Variants in CHL1 observed in about 807,000 individuals in gnomAD.
CHL1 encodes the protein neural cell adhesion molecule L1-like protein.
A neutral mutation model predicts 141.9 loss-of-function variants in CHL1; 96 were observed. The ratio of observed to expected loss-of-function variants is 0.68; its 90% CI spans 0.57 to 0.80. The LOEUF (loss-of-function observed/expected upper bound fraction) is 0.80. Among genes scored for constraint, CHL1 ranks in the 30% least tolerant of loss-of-function variants. The probability of loss-of-function intolerance (pLI) is 0.00; values close to 1 mark genes in which losing one functional copy is unlikely to be tolerated. For missense variants in CHL1, 1,820 were observed against 1,457.2 expected, an observed-to-expected ratio of 1.25 and a Z score of -4.05; for synonymous variants, 613 against 502.2, an observed-to-expected ratio of 1.22 and a Z score of -2.95.
At chr3:323,638 A>AT (rs1201883921) in intron 3 of CHL1, among the ~76,000 whole-genome samples, 1 of 152,100 alleles carries the variant, frequency 6.6e-6, no homozygotes, top group Admixed American at 6.6e-5. Context: ...GTACGGCTGG[A>AT]TTTTCTTTAT....
At chr3:387,894 A>G (rs1000514596) in intron 19 of CHL1, among the ~76,000 whole-genome samples, 6 of 152,096 alleles carry the variant, frequency 3.9e-5, no homozygotes, top group African/African-American at 1.4e-4. Flanking sequence ...ATAGGAATAC[A>G]CTTAAAATTA....
intron 2 of CHL1, among the ~76,000 whole-genome samples, chr3:281,057 T>A (rs1392787940): frequency 6.6e-6 from 1 of 152,124 alleles, no homozygotes; most frequent in Non-Finnish European, 1.5e-5. Flanking sequence ...CTAGATACAT[T>A]TTTTGGTAGT....
rs1036102399 is a variant in CHL1, at chr3:363,480, C to G, written c.1585+97C>G. 8.0e-6 allele frequency: 9 copies of G among 1,131,624 alleles called. No individual in the cohort carries two copies. In the Admixed American group the frequency reaches 2.2e-4, roughly 28 times the overall value. 70.1% of individuals were successfully genotyped at this position (1,131,624 alleles called of 1,614,324 possible). A position where few individuals can be genotyped will look rare whatever the true frequency, so the allele number is the denominator to read the frequency against. ...AATAATACCATTTAAGTTGGAGTAC[C>G]AGATAAAGTTCTTTGAACCGTTTTT... On this transcript the variant is annotated intron_variant, in intron 14 of 27. Coordinates refer to ENST00000256509, the MANE Select transcript of CHL1 (RefSeq NM_006614.4).
At chr3:287,291 C>T (rs1461627966) in intron 2 of CHL1, among the ~76,000 whole-genome samples, 1 of 152,094 alleles carries the variant, frequency 6.6e-6, no homozygotes, top group Non-Finnish European at 1.5e-5. Flanking sequence ...CTGTCTTGTT[C>T]ACCACTCCCT....
In CHL1 at chr3:242,693, C is replaced by G. The variant is rs201767535; in HGVS notation, c.-174-1920C>G. 2.2e-3 allele frequency among the ~76,000 whole-genome samples: 316 copies of G among 144,850 alleles called. 1 individual carries two copies. Among genetic ancestry groups the G allele is most frequent in the Middle Eastern group, 7.5e-3 (2 of 266 alleles). On this transcript the variant is annotated intron_variant, in intron 1 of 27. Transcript: ENST00000256509. ...ACACATGCACACAAACACACACACA[C>G]ACACAGAGAGAGAGAGAGATTAGAT...
intron 11 of CHL1, among the ~76,000 whole-genome samples, chr3:355,350 G>A (rs1575147373): frequency 6.6e-6 from 1 of 152,046 alleles, no homozygotes; most frequent in Admixed American, 6.5e-5. Flanking sequence ...CCCCATGCCC[G>A]GTCCACCCTG....
At chr3:396,874 TGAG>T (rs1708718835) in intron 24 of CHL1, among the ~76,000 whole-genome samples, 1 of 152,162 alleles carries the variant, frequency 6.6e-6, no homozygotes, top group Admixed American at 6.5e-5. Context: ...ATATTTCCAA[TGAG>T]GAGAGATACA....
chr3:382,068 C>A, intron 16 of CHL1, 111 bp from the exon 17 acceptor site: 1 of 801,716 alleles, frequency 1.2e-6, no homozygotes, highest in Non-Finnish European at 2.0e-6. Context: ...CTTCCCAGGT[C>A]CCTAAGAGGG....
intron 1 of CHL1, among the ~76,000 whole-genome samples, chr3:236,686 A>G (rs1692016317): frequency 6.6e-6 from 1 of 151,560 alleles, no homozygotes; most frequent in Non-Finnish European, 1.5e-5. Context: ...TTATACTGAC[A>G]TTTTCTGTGG....
chr3:329,475 T>C (rs1701273272), intron 5 of CHL1, among the ~76,000 whole-genome samples: 1 of 151,926 alleles, frequency 6.6e-6, no homozygotes, highest in Non-Finnish European at 1.5e-5. Context: ...AAATTTAGAC[T>C]CGGAAGTAAG....
chr3:381,490 G>A (rs889229296), intron 16 of CHL1, among the ~76,000 whole-genome samples: 5 of 152,320 alleles, frequency 3.3e-5, no homozygotes, highest in African/African-American at 7.2e-5. Context: ...AAAAGCAGGA[G>A]TAAATTTCAG....
At chr3:382,805 A>T (rs974391678) in intron 18 of CHL1, 134 bp downstream of exon 18, 1 of 749,878 alleles carries the variant, frequency 1.3e-6, no homozygotes, top group African/African-American at 1.8e-5. Flanking sequence ...TTCTCTAAAC[A>T]GCACACAAAA....
chr3:294,724 A>G (rs766818561), intron 2 of CHL1, among the ~76,000 whole-genome samples: 21 of 152,176 alleles, frequency 1.4e-4, no homozygotes, highest in Non-Finnish European at 2.9e-4. Flanking sequence ...TATAGTCAAT[A>G]TAATTAGTAA....
At chr3:233,936 G>A (rs1306560715) in intron 1 of CHL1, among the ~76,000 whole-genome samples, 1 of 151,916 alleles carries the variant, frequency 6.6e-6, no homozygotes, top group South Asian at 2.1e-4. Flanking sequence ...TAGATTTCTA[G>A]ATCTGGGCAT....
At position 406,838 on chromosome 3, in the gene CHL1, A is replaced by T. The variant is rs555729281; in HGVS notation, c.*1127A>T. 5 of 152,136 alleles carry T rather than the reference A, an allele frequency of 3.3e-5. No homozygotes were observed. The highest frequency in any genetic ancestry group is 7.4e-5 in the Non-Finnish European group (5 of 68,006). 9.4% of individuals were successfully genotyped at this position (152,136 alleles called of 1,614,324 possible). A position where few individuals can be genotyped will look rare whatever the true frequency, so the allele number is the denominator to read the frequency against. Reference sequence around the variant, plus strand: ...TCTTTCAACAGTTTCAAAATAAAATATCATATAAATATTGAGGGAAATGTT... The same window carrying T: ...TCTTTCAACAGTTTCAAAATAAAATTTCATATAAATATTGAGGGAAATGTT... On this transcript the variant is annotated 3_prime_UTR_variant, in exon 28 of 28. Transcript: ENST00000256509.
intron 2 of CHL1, among the ~76,000 whole-genome samples, chr3:290,935 C>CAA (rs11328876): frequency 4.4e-5 from 4 of 91,828 alleles, no homozygotes; most frequent in Admixed American, 2.7e-4. Flanking sequence ...GACTCTGTCT[C>CAA]AAAAAAAAAA....
intron 2 of CHL1, among the ~76,000 whole-genome samples, chr3:251,748 C>T (rs1051089971): frequency 1.3e-5 from 2 of 152,048 alleles, no homozygotes; most frequent in East Asian, 1.9e-4. Flanking sequence ...TAATTCCACC[C>T]GTTAGCGATT....
Position 389,606 on chromosome 3 carries a change from C to G in CHL1, c.2470+132C>G, listed in dbSNP as rs1708059232. ...ATGTACTAGCCGTGGGAGATAAAAA[C>G]AAATATAACACATGACTTCTATCTT... On this transcript the variant is annotated intron_variant, in intron 20 of 27. Coordinates refer to ENST00000256509, the MANE Select transcript of CHL1 (RefSeq NM_006614.4). 3 of 666,154 alleles carry G rather than the reference C, an allele frequency of 4.5e-6. No individual in the cohort carries two copies. The East Asian group carries it at 8.1e-5, about 18-fold the overall frequency. 41.3% of individuals were successfully genotyped at this position (666,154 alleles called of 1,614,324 possible).
At chr3:201,315 G>A (rs1454764284) in intron 1 of CHL1, among the ~76,000 whole-genome samples, 1 of 152,072 alleles carries the variant, frequency 6.6e-6, no homozygotes, top group Non-Finnish European at 1.5e-5. Context: ...ATGTGTTGTG[G>A]GTAAAAAATG....
Sources: gnomAD v4.1 joint callset for allele counts (sites outside exome capture counted in the v4.1 genomes callset) on GRCh38, gnomAD v4.1.1 for gene constraint, MANE v1.5 for transcripts, NCBI Gene and HGNC (gene_info 2026-07-23, HGNC 2026-07-21) for gene names.